Variants in FRMD6 observed in about 807,000 individuals in gnomAD.
FRMD6 encodes FERM domain containing 6.
FRMD6 carries 37 observed loss-of-function variants against 73.2 expected under a neutral mutation model. The ratio of observed to expected loss-of-function variants is 0.51; its 90% CI spans 0.39 to 0.66. The LOEUF is 0.66. Ranked by LOEUF, FRMD6 falls within the 30% of genes least tolerant of loss-of-function variation. FRMD6 has a pLI of 0.00. For synonymous variants in FRMD6, 273 were observed against 282.2 expected, an observed-to-expected ratio of 0.97 and a Z score of 0.33; for missense variants, 714 against 780.5, an observed-to-expected ratio of 0.91 and a Z score of 1.02.
the FRMD6 span, among the ~76,000 whole-genome samples, chr14:51,475,559 T>C: frequency 6.6e-6 from 1 of 152,228 alleles, no homozygotes; most frequent in Non-Finnish European, 1.5e-5. Flanking sequence ...TATTAGCATA[T>C]TTCGTGGTTT....
At chr14:51,720,586 C>T in intron 11 of FRMD6, 196 bp downstream of exon 11, 1 of 586,460 alleles carries the variant, frequency 1.7e-6, no homozygotes, top group Non-Finnish European at 3.0e-6. Context: ...TAGTTGTGAT[C>T]CTTTGCGGCC....
intron 1 of FRMD6, among the ~76,000 whole-genome samples, chr14:51,520,536 A>C (rs1216366127): frequency 1.3e-5 from 2 of 152,230 alleles, no homozygotes; most frequent in African/African-American, 4.8e-5. Context: ...AGAAACACCG[A>C]AATGTCCATC....
At chr14:51,678,620 C>T (rs1287462921) in intron 1 of FRMD6, among the ~76,000 whole-genome samples, 1 of 152,058 alleles carries the variant, frequency 6.6e-6, no homozygotes, top group Admixed American at 6.6e-5. Context: ...GTGTATTTAA[C>T]AAGTCCTACT....
At chr14:51,476,769 G>A in the FRMD6 span, among the ~76,000 whole-genome samples, 1 of 152,184 alleles carries the variant, frequency 6.6e-6, no homozygotes, top group Non-Finnish European at 1.5e-5. Context: ...AGAAGGCATA[G>A]CCTCTATGAG....
At chr14:51,492,462 C>T (rs2140172780) in intron 1 of FRMD6, among the ~76,000 whole-genome samples, 1 of 152,184 alleles carries the variant, frequency 6.6e-6, no homozygotes, top group African/African-American at 2.4e-5. Context: ...CTCCTTAGCA[C>T]CGAGACCATT....
At chr14:51,704,971 T>G in intron 6 of FRMD6, 36 bp downstream of exon 6, 1 of 1,566,878 alleles carries the variant, frequency 6.4e-7, no homozygotes, top group Non-Finnish European at 8.7e-7. Context: ...GAGTGTTTTC[T>G]CTCGGGCATT....
intron 2 of FRMD6, among the ~76,000 whole-genome samples, chr14:51,595,863 A>G (rs1201556694): frequency 6.6e-6 from 1 of 152,206 alleles, no homozygotes; most frequent in Non-Finnish European, 1.5e-5. Context: ...TCGATAATTA[A>G]TTAATGGTAT....
At chr14:51,637,464 G>GGCGC (rs561108447) in intron 2 of FRMD6, 5,259 of 127,856 alleles carry the variant, frequency 0.041, 129 homozygotes, top group Non-Finnish European at 0.06. Context: ...GATACACACA[G>GGCGC]GCACACACAC....
Position 51,728,294 on chromosome 14 carries a change from T to G in FRMD6, c.*265T>G, listed in dbSNP as rs1898096058. Reference sequence around the variant, plus strand: ...TCAGAAGGAAATGCGCTTTACTGATTGCAAAGCCTTCAGAATATTGGAGTG... The same window carrying G: ...TCAGAAGGAAATGCGCTTTACTGATGGCAAAGCCTTCAGAATATTGGAGTG... On this transcript the variant is annotated 3_prime_UTR_variant, in exon 14 of 14. Transcript: ENST00000344768. 7.5e-6 allele frequency: 3 copies of G among 399,458 alleles called. No individual in the cohort carries two copies. The highest frequency in any genetic ancestry group is 5.9e-5 in the African/African-American group (3 of 50,798). The allele number at this position is 399,458 out of a possible 1,614,324, so 24.7% of individuals were successfully genotyped here.
At chr14:51,587,872 G>A (rs1326198105) in intron 2 of FRMD6, among the ~76,000 whole-genome samples, 1 of 152,052 alleles carries the variant, frequency 6.6e-6, no homozygotes, top group Non-Finnish European at 1.5e-5. Context: ...CGGCAATGAC[G>A]TTCTTATCAC....
chr14:51,615,730 T>A (rs1890684312), intron 2 of FRMD6, among the ~76,000 whole-genome samples: 1 of 152,202 alleles, frequency 6.6e-6, no homozygotes, highest in South Asian at 2.1e-4. Flanking sequence ...AGAACCTCAC[T>A]TGAAAATAAT....
chr14:51,601,147 C>T (rs1312410354), intron 2 of FRMD6, among the ~76,000 whole-genome samples: 2 of 152,196 alleles, frequency 1.3e-5, no homozygotes, highest in East Asian at 3.8e-4. Flanking sequence ...CCCCAGCATC[C>T]ACTATGCTTT....
In FRMD6 at chr14:51,729,248, T is replaced by C. The variant is rs1898139267; in HGVS notation, c.*1219T>C. ...GACCCAAGTAGAATTGCCTTTTCTT[T>C]TAAAGTTCTCCAGATGGAGCTAATA... On this transcript the variant is annotated 3_prime_UTR_variant, in exon 14 of 14. Coordinates refer to ENST00000344768, the MANE Select transcript of FRMD6 (RefSeq NM_001267046.2). 2 of 152,304 alleles carry C rather than the reference T, an allele frequency of 1.3e-5. No individual in the cohort carries two copies. The highest frequency in any genetic ancestry group is 2.1e-4 in the South Asian group (1 of 4,814). 9.4% of individuals were successfully genotyped at this position (152,304 alleles called of 1,614,324 possible).
Position 51,625,689 on chromosome 14 carries a change from A to G in FRMD6, c.-147+55279A>G, listed in dbSNP as rs546022083. ...CATTGATCTCTGATCCAACACGCTC[A>G]TTCCAAGCTGGAGGTCTTTGTAGAA... is the stretch of plus-strand genomic sequence containing the variant. On this transcript the variant is annotated intron_variant, in intron 2 of 14. Transcript: ENST00000356218. Among the ~76,000 whole-genome samples, 30 of 152,280 alleles carry G rather than the reference A, an allele frequency of 2.0e-4. No homozygotes were observed. In the South Asian group the frequency reaches 5.8e-3, roughly 29 times the overall value.
chr14:51,620,060 A>C (rs1004294962), intron 2 of FRMD6, among the ~76,000 whole-genome samples: 1 of 152,092 alleles, frequency 6.6e-6, no homozygotes, highest in African/African-American at 2.4e-5. Flanking sequence ...TAGTTTGTAA[A>C]ATGAGGTGAC....
At chr14:51,537,844 A>T (rs939955879) in intron 1 of FRMD6, among the ~76,000 whole-genome samples, 2 of 151,842 alleles carry the variant, frequency 1.3e-5, no homozygotes, top group Non-Finnish European at 2.9e-5. Context: ...TCATTTTTTC[A>T]CTTGGGATGT....
chr14:51,506,748 A>G (rs1233251409), intron 1 of FRMD6, among the ~76,000 whole-genome samples: 1 of 152,210 alleles, frequency 6.6e-6, no homozygotes, highest in African/African-American at 2.4e-5. Flanking sequence ...ACCTGTTTAT[A>G]TCAATAACCT....
chr14:51,549,333 T>C (rs1886650180), intron 1 of FRMD6, among the ~76,000 whole-genome samples: 2 of 152,186 alleles, frequency 1.3e-5, no homozygotes, highest in African/African-American at 4.8e-5. Flanking sequence ...TGTTATTCCA[T>C]AGTATAGGCT....
chr14:51,440,674 T>C, the FRMD6 span, among the ~76,000 whole-genome samples: 1 of 152,126 alleles, frequency 6.6e-6, no homozygotes, highest in South Asian at 2.1e-4. Context: ...CAAATGTACT[T>C]ATACTTGCTT....
Sources: gnomAD v4.1 joint callset for allele counts (sites outside exome capture counted in the v4.1 genomes callset) on GRCh38, gnomAD v4.1.1 for gene constraint, MANE v1.5 for transcripts, NCBI Gene and HGNC (gene_info 2026-07-23, HGNC 2026-07-21) for gene names.